TEC: variants seen among roughly 807,000 people sequenced by gnomAD.
The protein encoded by TEC is tec protein tyrosine kinase, also known as tyrosine-protein kinase Tec.
In TEC, 72 loss-of-function variants were observed where a neutral mutation model predicts 93.0. The observed-to-expected ratio is 0.77, with a 90% CI of 0.64 to 0.94. TEC has a LOEUF of 0.94. TEC is among the 40% of genes least tolerant of loss of function. TEC has a pLI of 0.00. For missense variants in TEC, 630 were observed against 757.9 expected (o/e 0.83, Z 1.98); for synonymous variants, 249 against 247.7 (o/e 1.01, Z -0.05).
intron 1 of TEC, among the ~76,000 whole-genome samples, chr4:48,265,175 A>G (rs901632154): frequency 1.8e-4 from 28 of 152,182 alleles, no homozygotes; most frequent in Admixed American, 1.4e-3. Context: ...CCAGAAAGAA[A>G]TAGACACACA....
intron 14 of TEC, among the ~76,000 whole-genome samples, chr4:48,144,474 A>G (rs1369285756): frequency 6.6e-6 from 1 of 152,232 alleles, no homozygotes; most frequent in African/African-American, 2.4e-5. Flanking sequence ...GAAGAAAAAC[A>G]GAAGGAAAAG....
chr4:48,160,509 T>C (rs1244970561), intron 8 of TEC, among the ~76,000 whole-genome samples: 6 of 151,970 alleles, frequency 3.9e-5, no homozygotes, highest in Non-Finnish European at 7.4e-5. Flanking sequence ...AGTGGATCAC[T>C]TCAGGTCAAG....
At chr4:48,228,363 T>C in intron 2 of TEC, 114 bp downstream of exon 2, 1 of 1,150,560 alleles carries the variant, frequency 8.7e-7, no homozygotes, top group Non-Finnish European at 1.2e-6. Flanking sequence ...CAAATGATAA[T>C]AAATCATTAC....
intron 1 of TEC, 67 bp from the exon 2 acceptor site, chr4:48,228,726 T>C: frequency 7.2e-7 from 1 of 1,395,296 alleles, no homozygotes; most frequent in Non-Finnish European, 9.6e-7. Flanking sequence ...CCATTTCCAA[T>C]TACCAAAATC....
At chr4:48,252,687 T>C (rs1436477804) in intron 1 of TEC, among the ~76,000 whole-genome samples, 1 of 152,216 alleles carries the variant, frequency 6.6e-6, no homozygotes, top group Non-Finnish European at 1.5e-5. Context: ...TGTCATTCCA[T>C]TCCAGAGCAC....
intron 9 of TEC, chr4:48,155,926 T>C (rs1282586255): frequency 1.3e-5 from 2 of 152,218 alleles, no homozygotes; most frequent in African/African-American, 2.4e-5. Flanking sequence ...CTTACAGCAA[T>C]TGAGTAAAGT....
At chr4:48,209,678 G>A (rs1248090744) in intron 2 of TEC, among the ~76,000 whole-genome samples, 1 of 152,020 alleles carries the variant, frequency 6.6e-6, no homozygotes, top group Non-Finnish European at 1.5e-5. Flanking sequence ...ACATATCATG[G>A]GGAAAAAAAC....
chr4:48,263,643 G>T (rs1459326772), intron 1 of TEC, among the ~76,000 whole-genome samples: 2 of 152,074 alleles, frequency 1.3e-5, no homozygotes, highest in African/African-American at 4.8e-5. Context: ...GAACCCAGGA[G>T]CTGAGATCAT....
chr4:48,203,025 G>A (rs1226957569), intron 2 of TEC, among the ~76,000 whole-genome samples: 1 of 152,160 alleles, frequency 6.6e-6, no homozygotes, highest in Non-Finnish European at 1.5e-5. Context: ...AGTTCCTTTT[G>A]TTTTCTTTAA....
chr4:48,204,656 A>C (rs1249401804), intron 2 of TEC, among the ~76,000 whole-genome samples: 1 of 152,184 alleles, frequency 6.6e-6, no homozygotes, highest in Non-Finnish European at 1.5e-5. Context: ...TCATTTCAGG[A>C]TGAAACTATT....
chr4:48,184,108 A>G (rs1003184723), intron 2 of TEC, among the ~76,000 whole-genome samples: 3 of 152,234 alleles, frequency 2.0e-5, no homozygotes, highest in African/African-American at 7.2e-5. Flanking sequence ...CCAGCAATAC[A>G]TTAGCCTCTT....
intron 1 of TEC, among the ~76,000 whole-genome samples, chr4:48,239,074 T>C (rs942567222): frequency 1.3e-5 from 2 of 152,176 alleles, no homozygotes; most frequent in African/African-American, 4.8e-5. Flanking sequence ...TCGGTTAACA[T>C]TTATTCTATG....
At position 48,163,744 on chromosome 4, in the gene TEC, T is replaced by G; in HGVS notation, c.695A>C (p.Asn232Thr). The G allele has an allele frequency of 6.7e-7, 1 of 1,498,118 alleles. No individual in the cohort carries two copies. Among genetic ancestry groups the G allele is most frequent in the Non-Finnish European group, 9.1e-7 (1 of 1,098,712 alleles). The allele number at this position is 1,498,118 out of a possible 1,614,324, so 92.8% of individuals were successfully genotyped here. The change falls in exon 8 of 18, where the codon AAT (asparagine) becomes ACT (threonine). Residue 232 changes from asparagine (N) to threonine (T), a missense_variant. Asn to Thr is a moderately conservative substitution (Grantham distance 65, BLOSUM62 0). Coordinates refer to ENST00000381501, the MANE Select transcript of TEC (RefSeq NM_003215.3). ...GTTTGATTTCTTTCCCGTTACGTAA[T>G]TACTTGGGATATATCCTTCATTCCT... ...KYGNEGYIPS[N>T]YVTGKKSNNL... is the part of the protein sequence containing the mutation.
chr4:48,269,235 G>C (rs2109685298), intron 1 of TEC, among the ~76,000 whole-genome samples: 1 of 152,274 alleles, frequency 6.6e-6, no homozygotes, highest in South Asian at 2.1e-4. Flanking sequence ...TGTGCACAAC[G>C]TGCAGGTTTG....
intron 9 of TEC, among the ~76,000 whole-genome samples, chr4:48,152,041 C>G (rs764035769): frequency 6.6e-6 from 1 of 152,102 alleles, no homozygotes; most frequent in Non-Finnish European, 1.5e-5. Flanking sequence ...TTGTACTCTT[C>G]TTGATAGGAA....
chr4:48,168,450 T>C (rs1332116846), intron 6 of TEC, 136 bp downstream of exon 6: 6 of 865,170 alleles, frequency 6.9e-6, no homozygotes, highest in Non-Finnish European at 1.1e-5. Flanking sequence ...CATCTGCTTC[T>C]GAGACGATCC....
At chr4:48,174,546 C>A (rs1721244615) in intron 3 of TEC, among the ~76,000 whole-genome samples, 1 of 151,974 alleles carries the variant, frequency 6.6e-6, no homozygotes, top group Admixed American at 6.6e-5. Context: ...ATAATCCCAG[C>A]TACTTGGGTG....
chr4:48,168,080 CA>C, intron 6 of TEC, 127 bp from the exon 7 acceptor site: 4 of 778,862 alleles, frequency 5.1e-6, no homozygotes, highest in Non-Finnish European at 6.1e-6. Flanking sequence ...TACTATAATC[CA>C]ACAAACTCTC....
intron 10 of TEC, 67 bp from the exon 11 acceptor site, chr4:48,149,757 T>A (rs1477615034): frequency 6.7e-7 from 1 of 1,496,214 alleles, no homozygotes; most frequent in South Asian, 1.4e-5. Context: ...TAAGATGTTT[T>A]CTACAAGGGC....
Sources: gnomAD v4.1 joint callset for allele counts (sites outside exome capture counted in the v4.1 genomes callset) on GRCh38, gnomAD v4.1.1 for gene constraint, MANE v1.5 for transcripts, NCBI Gene and HGNC (gene_info 2026-07-23, HGNC 2026-07-21) for gene names.